TMEM165: variants seen among roughly 807,000 people sequenced by gnomAD.
The protein encoded by TMEM165 is putative divalent cation/proton antiporter TMEM165.
A neutral mutation model predicts 30.0 loss-of-function variants in TMEM165; 19 were observed. The observed-to-expected ratio is 0.63, with a 90% confidence interval of 0.44 to 0.93. TMEM165 has a LOEUF of 0.93. TMEM165 is among the 40% of genes least tolerant of loss of function. TMEM165 has a pLI of 0.00. For missense variants in TMEM165, 340 were observed against 417.0 expected (o/e 0.82, Z 1.61); for synonymous variants, 168 against 162.9 (o/e 1.03, Z -0.24).
chr4:55,424,860 ATAG>A (rs752957765), intron 5 of TMEM165: 5 of 517,704 alleles, frequency 9.7e-6, no homozygotes, highest in Non-Finnish European at 3.4e-6. Context: ...TATCGAATTC[ATAG>A]TAGCTTCTTG....
At chr4:55,435,765 C>T (rs1054425686) in intron 3 of TMEM165, among the ~76,000 whole-genome samples, 3 of 152,140 alleles carry the variant, frequency 2.0e-5, no homozygotes, top group Non-Finnish European at 4.4e-5. Flanking sequence ...GCTTATGAGG[C>T]CTTCCCTCTT....
chr4:55,416,531 AT>A (rs923648448), intron 2 of TMEM165, among the ~76,000 whole-genome samples: 1 of 152,258 alleles, frequency 6.6e-6, no homozygotes, highest in South Asian at 2.1e-4. Flanking sequence ...AAATTTTTAG[AT>A]TTTTTTCATA....
At chr4:55,424,476 A>G (rs1722115046) in intron 4 of TMEM165, 62 bp from the exon 5 acceptor site, 1 of 980,680 alleles carries the variant, frequency 1.0e-6, no homozygotes, top group South Asian at 1.3e-5. Flanking sequence ...CTGAATTGTT[A>G]TGGTTCTCAA....
intron 1 of TMEM165, among the ~76,000 whole-genome samples, chr4:55,398,294 T>A (rs1013551866): frequency 6.6e-6 from 1 of 152,186 alleles, no homozygotes; most frequent in African/African-American, 2.4e-5. Context: ...TGGGAGGGAA[T>A]CTGGGAGATA....
downstream of TMEM165, among the ~76,000 whole-genome samples, chr4:55,426,917 G>GAAGT (rs540006059): frequency 9.9e-5 from 15 of 152,264 alleles, no homozygotes; most frequent in South Asian, 6.2e-4. Flanking sequence ...TCTGCTATAG[G>GAAGT]AAGTATCAAA....
chr4:55,418,464 C>T lies in TMEM165; in HGVS notation c.792+479C>T, dbSNP rs564762. Among the ~76,000 whole-genome samples, 92,620 of 150,870 alleles carry T rather than the reference C, an allele frequency of 0.61. 29,229 individuals carry two copies. Among genetic ancestry groups the T allele is most frequent in the South Asian group, 0.81 (3,865 of 4,754 alleles). On this transcript the variant is annotated intron_variant, in intron 4 of 5. Transcript: ENST00000381334. Reference sequence around the variant, plus strand: ...GCTTGAGCCTGGGAGGTTGAGGCTCCAGTGAGCTGTGTTCGCGCCACTGCA... The same window carrying T: ...GCTTGAGCCTGGGAGGTTGAGGCTCTAGTGAGCTGTGTTCGCGCCACTGCA...
Position 55,417,943 on chromosome 4 carries a change from T to C in TMEM165, c.750T>C (p.Gly250=). The C allele has an allele frequency of 6.2e-7, 1 of 1,613,538 alleles. No individual in the cohort carries two copies. The highest frequency in any genetic ancestry group is 8.5e-7 in the Non-Finnish European group (1 of 1,179,864). Residue 250 remains glycine, a synonymous_variant, in exon 4 of 6, where the codon GGT becomes GGC. Transcript: ENST00000381334. ...CATTAACATTCTTAGCAGAATGGGGTGATCGCTCTCAACTAACTACAATTG... is the reference window on the plus strand; with the variant it reads ...CATTAACATTCTTAGCAGAATGGGGCGATCGCTCTCAACTAACTACAATTG... ...ALTLTFLAEW[G]DRSQLTTIVL... is the part of the protein sequence containing the mutation.
intron 3 of TMEM165, among the ~76,000 whole-genome samples, chr4:55,451,684 T>C (rs1724468391): frequency 6.6e-6 from 1 of 152,216 alleles, no homozygotes; most frequent in Non-Finnish European, 1.5e-5. Flanking sequence ...AGAAGGATAA[T>C]TAATCTCTGT....
At chr4:55,450,360 A>G (rs1724321424) in intron 3 of TMEM165, 3 of 990,410 alleles carry the variant, frequency 3.0e-6, no homozygotes, top group Admixed American at 3.7e-5. Flanking sequence ...CTGTATGTAC[A>G]TACACATGTA....
At chr4:55,452,308 G>A (rs1187899008) in exon 4 of TMEM165, 1 of 152,172 alleles carries the variant, frequency 6.6e-6, no homozygotes, top group Non-Finnish European at 1.5e-5. Context: ...AGGAACTGAG[G>A]ATAGCCTTCA....
chr4:55,412,349 G>A (rs184142306), intron 2 of TMEM165, among the ~76,000 whole-genome samples: 4,913 of 120,952 alleles, frequency 0.041, 101 homozygotes, highest in Non-Finnish European at 0.057. Context: ...AGCTGAGATC[G>A]CGCCACTACA....
At chr4:55,428,245 A>G (rs1722317724), downstream of TMEM165, 1 of 152,214 alleles carries the variant, frequency 6.6e-6, no homozygotes, top group East Asian at 1.9e-4. Context: ...AAGAGGCCTG[A>G]GTGGAGGTAG....
chr4:55,442,597 G>A (rs1379590800), intron 3 of TMEM165: 4 of 1,612,788 alleles, frequency 2.5e-6, no homozygotes, highest in Non-Finnish European at 1.7e-6. Flanking sequence ...GGGTAGAGAT[G>A]TTTGCTGACT....
intron 2 of TMEM165, among the ~76,000 whole-genome samples, chr4:55,412,392 T>TAAAAA (rs1162424825): frequency 1.5e-4 from 1 of 6,614 alleles, no homozygotes; most frequent in Non-Finnish European, 4.8e-4. Context: ...AGACTCCATC[T>TAAAAA]CAAAAAAAAA....
chr4:55,426,752 A>AATC (rs1437756928), downstream of TMEM165, among the ~76,000 whole-genome samples: 1 of 152,246 alleles, frequency 6.6e-6, no homozygotes, highest in Non-Finnish European at 1.5e-5. Flanking sequence ...GAACCCAGTT[A>AATC]ATCATCCAGC....
chr4:55,442,420 T>C (rs948429604), intron 3 of TMEM165: 1 of 1,604,320 alleles, frequency 6.2e-7, no homozygotes, highest in South Asian at 1.1e-5. Flanking sequence ...ACAAATGAAA[T>C]ATGACAACTA....
intron 3 of TMEM165, among the ~76,000 whole-genome samples, chr4:55,448,593 CACGCGCGCGTGTGTGT>C (rs1299969403): frequency 1.2e-4 from 8 of 64,892 alleles, no homozygotes; most frequent in African/African-American, 3.1e-4. Flanking sequence ...TGCGCGCGCG[CACGCGCGCGTGTGTGT>C]GTGTGTGTGT....
chr4:55,442,847 T>G (rs1305672982), intron 3 of TMEM165, among the ~76,000 whole-genome samples: 1 of 152,086 alleles, frequency 6.6e-6, no homozygotes, highest in East Asian at 1.9e-4. Flanking sequence ...AAGCTATGAC[T>G]TTAGAAAGGA....
chr4:55,415,317 G>A (rs550144), intron 2 of TMEM165: 37,945 of 151,932 alleles, frequency 0.25, 5,013 homozygotes, highest in South Asian at 0.37. Context: ...TAAATTATCC[G>A]ATGTTAGGCC....
Sources: allele counts gnomAD v4.1 joint callset (sites outside exome capture counted in the v4.1 genomes callset), GRCh38; gene constraint gnomAD v4.1.1; transcripts MANE v1.5; gene names NCBI Gene and HGNC (gene_info 2026-07-23, HGNC 2026-07-21).